The following REV3L variants were observed in gnomAD, a reference collection of about 807,000 sequenced individuals.
The protein encoded by REV3L is DNA polymerase zeta catalytic subunit.
REV3L carries 69 observed loss-of-function variants against 299.4 expected under a neutral mutation model. The ratio of observed to expected loss-of-function variants is 0.23; its 90% confidence interval spans 0.19 to 0.28. The LOEUF (loss-of-function observed/expected upper bound fraction) is 0.28, where lower values mean the gene tolerates loss of function less well. REV3L is among the 10% of genes least tolerant of loss of function. The pLI, the probability that REV3L is intolerant of heterozygous loss-of-function variation, is 1.00. For missense variants in REV3L, 3,128 were observed against 3,693.8 expected, an observed-to-expected ratio of 0.85 and a Z score of 3.97; for synonymous variants, 1,238 against 1,271.4, an observed-to-expected ratio of 0.97 and a Z score of 0.56.
intron 1 of REV3L, among the ~76,000 whole-genome samples, chr6:111,445,702 G>A (rs993673523): frequency 6.6e-6 from 1 of 152,136 alleles, no homozygotes; most frequent in African/African-American, 2.4e-5. Flanking sequence ...AAAATGCTTA[G>A]GGAGCCCCCC....
intron 28 of REV3L, chr6:111,311,973 A>G (rs1773032480): frequency 6.6e-6 from 1 of 152,056 alleles, no homozygotes; most frequent in Admixed American, 6.6e-5. Flanking sequence ...ACGCCCGGCT[A>G]ATTTTTTGTT....
chr6:111,330,844 T>A (rs926061303), intron 24 of REV3L: 1 of 266,488 alleles, frequency 3.8e-6, no homozygotes, highest in African/African-American at 2.3e-5. Flanking sequence ...TTAGAAATAC[T>A]ACATTTTAAA....
Position 111,400,090 on chromosome 6 carries a change from A to T in REV3L, c.565+5380T>A, listed in dbSNP as rs550878455. Among the ~76,000 whole-genome samples the T allele has an allele frequency of 7.2e-4, 110 of 152,290 alleles. 1 individual carries two copies. Among genetic ancestry groups the T allele is most frequent in the Middle Eastern group, 3.4e-3 (1 of 294 alleles). On this transcript the variant is annotated intron_variant, in intron 4 of 31. Coordinates refer to ENST00000368802, the MANE Select transcript of REV3L (RefSeq NM_001372078.1). Reference sequence around the variant, plus strand: ...AGATTCATCCATGTTATATGAATCAATTGTTTGTTCCTTTTTATCACTAAA... The same window carrying T: ...AGATTCATCCATGTTATATGAATCATTTGTTTGTTCCTTTTTATCACTAAA...
At chr6:111,366,989 G>C (rs1231804400) in intron 14 of REV3L, 126 bp downstream of exon 14, 1 of 730,180 alleles carries the variant, frequency 1.4e-6, no homozygotes, top group Non-Finnish European at 2.1e-6. Flanking sequence ...TCTAAGACAT[G>C]ACGAAAAATA....
intron 23 of REV3L, among the ~76,000 whole-genome samples, 171 bp downstream of exon 23, chr6:111,332,952 G>A (rs1474974491): frequency 1.3e-5 from 2 of 152,186 alleles, no homozygotes; most frequent in African/African-American, 4.8e-5. Context: ...ATCATATGGT[G>A]ATCCATGTCA....
At position 111,452,887 on chromosome 6, in the gene REV3L, C is replaced by T. The variant is rs934565509; in HGVS notation, c.139+29863G>A. ...CTCACCAGAATTTATCAACACCTGA[C>T]AGAAAATAGCAATAGGTAGGAAAGT... On this transcript the variant is annotated intron_variant, in intron 1 of 31. Transcript: ENST00000368802. Among the ~76,000 whole-genome samples, 5 of 152,050 alleles carry T rather than the reference C, an allele frequency of 3.3e-5. No homozygotes were observed. In the East Asian group the frequency reaches 7.7e-4, roughly 23 times the overall value.
chr6:111,413,283 CT>C (rs948106707), intron 2 of REV3L, among the ~76,000 whole-genome samples: 2 of 152,048 alleles, frequency 1.3e-5, no homozygotes, highest in South Asian at 4.2e-4. Flanking sequence ...CAGGGAGACT[CT>C]TTGGGGGAAA....
chr6:111,346,156 C>T (rs370648961), intron 20 of REV3L, among the ~76,000 whole-genome samples: 1 of 152,136 alleles, frequency 6.6e-6, no homozygotes, highest in Non-Finnish European at 1.5e-5. Flanking sequence ...TTTATCTAAA[C>T]CCAGGCCCCT....
intron 13 of REV3L, among the ~76,000 whole-genome samples, chr6:111,372,163 A>G (rs1398576497): frequency 6.6e-6 from 1 of 152,246 alleles, no homozygotes; most frequent in Admixed American, 6.5e-5. Flanking sequence ...TATCAGAGGA[A>G]TACTTAAAAC....
intron 2 of REV3L, among the ~76,000 whole-genome samples, chr6:111,413,388 A>G (rs960638516): frequency 1.3e-5 from 2 of 152,122 alleles, no homozygotes; most frequent in African/African-American, 4.8e-5. Flanking sequence ...AGGAAGGAAA[A>G]TGAGTGTGGA....
At chr6:111,345,859 T>C (rs879525994) in intron 20 of REV3L, among the ~76,000 whole-genome samples, 2 of 151,890 alleles carry the variant, frequency 1.3e-5, no homozygotes, top group Non-Finnish European at 2.9e-5. Flanking sequence ...AATTTGAACA[T>C]AGCTGGTGGG....
chr6:111,451,762 T>TA lies in REV3L; in HGVS notation c.139+30987dup, dbSNP rs1789573108. Among the ~76,000 whole-genome samples the TA allele has an allele frequency of 2.0e-5, 3 of 147,606 alleles. No individual in the cohort carries two copies. The Middle Eastern group carries it at 0.011, about 547-fold the overall frequency. On this transcript the variant is annotated intron_variant, in intron 1 of 31. Coordinates refer to ENST00000368802, the MANE Select transcript of REV3L (RefSeq NM_001372078.1). ...CACAATCTGGTAAGAACAGAGGACA[T>TA]AAACTACAAGAAAACAGAAAACATT... is the stretch of plus-strand genomic sequence containing the variant.
At chr6:111,310,234 T>C in intron 29 of REV3L, 135 bp from the exon 30 acceptor site, 1 of 1,147,580 alleles carries the variant, frequency 8.7e-7, no homozygotes, top group African/African-American at 1.6e-5. Context: ...AGAATTACTA[T>C]TTCTTTGAGA....
intron 9 of REV3L, among the ~76,000 whole-genome samples, chr6:111,386,574 G>A (rs938268135): frequency 3.2e-4 from 49 of 152,164 alleles, no homozygotes; most frequent in African/African-American, 1.2e-3. Flanking sequence ...TATACCACAT[G>A]CCCTAGTAAT....
intron 1 of REV3L, among the ~76,000 whole-genome samples, chr6:111,476,301 G>A (rs551157937): frequency 2.6e-5 from 4 of 152,074 alleles, no homozygotes; most frequent in Admixed American, 6.6e-5. Flanking sequence ...AACCACAAAC[G>A]TGTACCACCC....
chr6:111,351,592 A>AT (rs1777572413), intron 19 of REV3L, 84 bp downstream of exon 19: 1 of 1,029,234 alleles, frequency 9.7e-7, no homozygotes, highest in Non-Finnish European at 1.5e-6. Context: ...GGGCTACAGC[A>AT]TAAGTACTCT....
intron 1 of REV3L, chr6:111,431,075 A>G: frequency 6.7e-7 from 1 of 1,502,676 alleles, no homozygotes; most frequent in Non-Finnish European, 9.2e-7. Context: ...GACTCCACAT[A>G]TGCAAATATC....
At chr6:111,479,000 T>C (rs1281424307) in intron 1 of REV3L, among the ~76,000 whole-genome samples, 1 of 152,234 alleles carries the variant, frequency 6.6e-6, no homozygotes, top group Non-Finnish European at 1.5e-5. Flanking sequence ...CTGTTTAACC[T>C]GGTGCTGAGG....
At position 111,373,920 on chromosome 6, in the gene REV3L, AG is replaced by A. The variant is rs1264288603; in HGVS notation, c.4434del (p.Phe1479LeufsTer3). On this transcript the variant is annotated frameshift_variant, in exon 13 of 32. Transcript: ENST00000368802. LOFTEE classifies it high-confidence loss of function. ...TTAAAATTTGACATATCTAAAATAA[AG>A]CCCCTTTGCTTTTGCTCCCATGCTA... is the stretch of plus-strand genomic sequence containing the variant. ...KQIAWEQKQR[G>X]FILDMSNFKP... The A allele has an allele frequency of 6.2e-7, 1 of 1,614,120 alleles. No individual in the cohort carries two copies. Among genetic ancestry groups the A allele is most frequent in the Admixed American group, 1.7e-5 (1 of 60,016 alleles).
Sources: gnomAD v4.1 joint callset for allele counts (sites outside exome capture counted in the v4.1 genomes callset) on GRCh38, gnomAD v4.1.1 for gene constraint, MANE v1.5 for transcripts, NCBI Gene and HGNC (gene_info 2026-07-23, HGNC 2026-07-21) for gene names.